The following IL1RAPL2 variants were observed in gnomAD, a reference collection of about 807,000 sequenced individuals.
IL1RAPL2 encodes the protein X-linked interleukin-1 receptor accessory protein-like 2.
In IL1RAPL2, 3 loss-of-function variants were observed where a neutral mutation model predicts 44.1. That is an observed-to-expected ratio of 0.07 (90% CI 0.03 to 0.18). The LOEUF is 0.18. Among genes scored for constraint, IL1RAPL2 ranks in the 10% least tolerant of loss-of-function variants. IL1RAPL2 has a pLI of 1.00. For missense variants in IL1RAPL2, 391 were observed against 496.4 expected (o/e 0.79, Z 2.02); for synonymous variants, 181 against 178.8 (o/e 1.01, Z -0.10).
At chrX:105,646,965 C>T (rs2037610530) in intron 6 of IL1RAPL2, among the ~76,000 whole-genome samples, 1 of 112,621 alleles carries the variant, frequency 8.9e-6, no homozygotes, top group Middle Eastern at 4.6e-3. Flanking sequence ...GCCTTTTGTT[C>T]TCTGACTTGG....
At chrX:105,441,969 C>T (rs755378991) in intron 5 of IL1RAPL2, among the ~76,000 whole-genome samples, 38 of 111,277 alleles carry the variant, frequency 3.4e-4, no homozygotes, top group Non-Finnish European at 5.7e-4. Context: ...CATTTCCCCA[C>T]GAATAATTTT....
At chrX:105,569,110 C>T (rs2036996183) in intron 6 of IL1RAPL2, among the ~76,000 whole-genome samples, 1 of 111,969 alleles carries the variant, frequency 8.9e-6, no homozygotes, top group Non-Finnish European at 1.9e-5. Context: ...TGAATTATTA[C>T]ATCCTGCCAA....
rs926032626 is a variant in IL1RAPL2, at chrX:105,313,425, G to A, written c.697+45884G>A. 8.9e-5 allele frequency among the ~76,000 whole-genome samples: 10 copies of A among 111,788 alleles called. No homozygotes were observed. In the Admixed American group the frequency reaches 9.6e-4, roughly 11 times the overall value. On this transcript the variant is annotated intron_variant, in intron 5 of 10. Transcript: ENST00000372582. ...GAAACAGGGACAAACATCAGGACTC[G>A]ATCCTTTCCATCTTTTAGCCACATT...
intron 5 of IL1RAPL2, among the ~76,000 whole-genome samples, chrX:105,473,332 T>G (rs891337840): frequency 8.9e-6 from 1 of 111,813 alleles, no homozygotes; most frequent in Admixed American, 9.5e-5. Context: ...TCTCTGGTAA[T>G]GTAAAGCTGA....
chrX:104,972,699 A>G (rs5917185), intron 2 of IL1RAPL2, among the ~76,000 whole-genome samples: 37,869 of 111,030 alleles, frequency 0.34, 5,568 homozygotes, highest in East Asian at 0.46. Context: ...ACAGCATGGT[A>G]TCCAGCTGGG....
At chrX:104,859,667 C>T (rs1359642795) in intron 2 of IL1RAPL2, among the ~76,000 whole-genome samples, 1 of 111,947 alleles carries the variant, frequency 8.9e-6, no homozygotes, top group Non-Finnish European at 1.9e-5. Flanking sequence ...ATTATTTGAT[C>T]TGGGTGAGAA....
At chrX:104,771,171 G>A (rs973460209) in intron 2 of IL1RAPL2, among the ~76,000 whole-genome samples, 5 of 111,674 alleles carry the variant, frequency 4.5e-5, no homozygotes, top group Non-Finnish European at 7.5e-5. Flanking sequence ...CTGGGCTGTC[G>A]GATCTCCTAA....
intron 5 of IL1RAPL2, among the ~76,000 whole-genome samples, chrX:105,392,152 A>G (rs2147730754): frequency 9.2e-6 from 1 of 109,203 alleles, no homozygotes; most frequent in African/African-American, 3.3e-5. Context: ...TAATAATAAT[A>G]AAATAAAAAA....
chrX:104,678,198 T>A (rs751017187), intron 2 of IL1RAPL2, among the ~76,000 whole-genome samples: 14 of 112,827 alleles, frequency 1.2e-4, no homozygotes, highest in African/African-American at 4.5e-4. Context: ...AAGAAAATGC[T>A]GTGTAAATGA....
chrX:104,948,652 C>A (rs376307256), intron 2 of IL1RAPL2, among the ~76,000 whole-genome samples: 1 of 111,196 alleles, frequency 9.0e-6, no homozygotes, highest in African/African-American at 3.3e-5. Flanking sequence ...TGTCAAAGGC[C>A]TTTTCTGCAT....
chrX:105,053,593 C>A (rs1175897792), intron 2 of IL1RAPL2, among the ~76,000 whole-genome samples: 1 of 111,185 alleles, frequency 9.0e-6, no homozygotes, highest in Admixed American at 9.6e-5. Flanking sequence ...TCCCACACAC[C>A]CTGATTGGTT....
chrX:104,963,934 TGAGAGAGAGA>T (rs201418326), intron 2 of IL1RAPL2, among the ~76,000 whole-genome samples: 3 of 102,681 alleles, frequency 2.9e-5, no homozygotes, highest in East Asian at 3.1e-4. Flanking sequence ...TGTGTGTGTG[TGAGAGAGAGA>T]GAGAGAGAGA....
At chrX:105,666,742 A>G (rs1214343916) in intron 6 of IL1RAPL2, among the ~76,000 whole-genome samples, 11 of 111,739 alleles carry the variant, frequency 9.8e-5, no homozygotes, top group African/African-American at 2.6e-4. Context: ...AGATGAGGGC[A>G]TTTATAGTCC....
At chrX:105,589,330 A>G (rs1377632349) in intron 6 of IL1RAPL2, among the ~76,000 whole-genome samples, 2 of 110,962 alleles carry the variant, frequency 1.8e-5, no homozygotes, top group Non-Finnish European at 3.8e-5. Flanking sequence ...CCTATCCTGT[A>G]GGTTGTCTGT....
At chrX:105,269,876 A>G (rs1312082074) in intron 5 of IL1RAPL2, among the ~76,000 whole-genome samples, 4 of 112,191 alleles carry the variant, frequency 3.6e-5, no homozygotes, top group East Asian at 2.8e-4. Context: ...TTTCACTCAC[A>G]TCAAATGGGT....
chrX:105,060,670 C>A (rs1392813047), intron 2 of IL1RAPL2, among the ~76,000 whole-genome samples: 1 of 89,795 alleles, frequency 1.1e-5, no homozygotes, highest in Non-Finnish European at 2.1e-5. Flanking sequence ...TGGAAGTATT[C>A]TCTCCTCCTC....
chrX:105,111,634 G>A (rs1234746590), intron 2 of IL1RAPL2, among the ~76,000 whole-genome samples: 1 of 111,795 alleles, frequency 8.9e-6, no homozygotes, highest in African/African-American at 3.3e-5. Context: ...CTGCATTAAA[G>A]AATGCCTCAT....
intron 7 of IL1RAPL2, among the ~76,000 whole-genome samples, chrX:105,721,637 CAT>C (rs1182780231): frequency 9.0e-6 from 1 of 111,277 alleles, no homozygotes; most frequent in Non-Finnish European, 1.9e-5. Flanking sequence ...GGAGACAAAA[CAT>C]ATATACATGA....
intron 6 of IL1RAPL2, among the ~76,000 whole-genome samples, chrX:105,489,345 G>A (rs1261278038): frequency 9.0e-6 from 1 of 111,030 alleles, no homozygotes; most frequent in Non-Finnish European, 1.9e-5. Flanking sequence ...TTTTTTCTAA[G>A]TAAAACAACA....
Sources: allele counts gnomAD v4.1 joint callset (sites outside exome capture counted in the v4.1 genomes callset), GRCh38; gene constraint gnomAD v4.1.1; transcripts MANE v1.5; gene names NCBI Gene and HGNC (gene_info 2026-07-23, HGNC 2026-07-21).